Variants in CCDC81 observed in about 807,000 individuals in gnomAD.
CCDC81 encodes coiled-coil domain-containing protein 81.
A neutral mutation model predicts 83.7 loss-of-function variants in CCDC81; 79 were observed. The ratio of observed to expected loss-of-function variants is 0.94; its 90% CI spans 0.79 to 1.14. The LOEUF (loss-of-function observed/expected upper bound fraction) is 1.14. Ranked by LOEUF, CCDC81 falls within the 50% of genes most tolerant of loss-of-function variation. The pLI, the probability that CCDC81 is intolerant of heterozygous loss-of-function variation, is 0.00. For synonymous variants in CCDC81, 252 were observed against 278.1 expected, an observed-to-expected ratio of 0.91 and a Z score of 0.93; for missense variants, 791 against 778.1, an observed-to-expected ratio of 1.02 and a Z score of -0.20.
intron 1 of CCDC81, among the ~76,000 whole-genome samples, chr11:86,379,514 A>G (rs1948147495): frequency 6.6e-6 from 1 of 152,220 alleles, no homozygotes; most frequent in African/African-American, 2.4e-5. Context: ...TGATTGTTTT[A>G]TAATAACAAA....
chr11:86,405,199 A>G lies in CCDC81; in HGVS notation c.882-2415A>G, dbSNP rs146375079. The stretch of plus-strand genomic sequence containing the variant: ...TGCTTCTTAAGCAATATTAAATTCT[A>G]CATGTCTAGGATTTTTTTTGGTAGA... On this transcript the variant is annotated intron_variant, in intron 7 of 14. Coordinates refer to ENST00000445632, the MANE Select transcript of CCDC81 (RefSeq NM_001156474.2). Among the ~76,000 whole-genome samples, 230 of 152,328 alleles carry G rather than the reference A, an allele frequency of 1.5e-3. 2 individuals carry two copies. The highest frequency in any genetic ancestry group is 2.6e-3 in the Non-Finnish European group (174 of 68,010).
chr11:86,404,362 T>G (rs560425285), intron 7 of CCDC81, among the ~76,000 whole-genome samples: 1 of 152,326 alleles, frequency 6.6e-6, no homozygotes, highest in Non-Finnish European at 1.5e-5. Flanking sequence ...GCTATGCCCA[T>G]CCATTTGCAT....
intron 7 of CCDC81, among the ~76,000 whole-genome samples, chr11:86,402,008 G>A (rs116882067): frequency 0.027 from 4,029 of 151,804 alleles, 62 homozygotes; most frequent in Admixed American, 0.044. Flanking sequence ...GGTGGTGAGC[G>A]CCTGTAATCC....
intron 13 of CCDC81, among the ~76,000 whole-genome samples, chr11:86,417,723 A>G (rs949940164): frequency 1.3e-5 from 2 of 151,582 alleles, no homozygotes; most frequent in Non-Finnish European, 2.9e-5. Flanking sequence ...TGCTGTGTCC[A>G]ATGTACGGTA....
At chr11:86,395,706 G>C (rs927405575) in intron 5 of CCDC81, among the ~76,000 whole-genome samples, 2 of 152,064 alleles carry the variant, frequency 1.3e-5, no homozygotes, top group South Asian at 4.2e-4. Flanking sequence ...CTGCAACCTC[G>C]GTCTCCTGGG....
rs75313054 is a variant in CCDC81 at position 86,396,586 on chromosome 11, C to T, written c.636-1035C>T. Among the ~76,000 whole-genome samples, 17 of 152,174 alleles carry T rather than the reference C, an allele frequency of 1.1e-4. No individual in the cohort carries two copies. In the East Asian group the frequency reaches 3.3e-3, roughly 29 times the overall value. On this transcript the variant is annotated intron_variant, in intron 5 of 14. Transcript: ENST00000445632. ...CTCTTGTTTGTTGCTTTGGAACAAC[C>T]CCCTCCTGGAAGAGCTGTATGACAC...
At chr11:86,405,917 C>A (rs1275427136) in intron 7 of CCDC81, among the ~76,000 whole-genome samples, 1 of 152,058 alleles carries the variant, frequency 6.6e-6, no homozygotes, top group East Asian at 1.9e-4. Context: ...CGCACACCAT[C>A]ATGCCTGGCT....
chr11:86,393,223 C>G (rs942792078), intron 4 of CCDC81, among the ~76,000 whole-genome samples: 7 of 152,072 alleles, frequency 4.6e-5, no homozygotes, highest in African/African-American at 1.7e-4. Flanking sequence ...CCACCATGCC[C>G]AGCTAATTTT....
At chr11:86,420,368 A>C (rs1948773811) in intron 14 of CCDC81, among the ~76,000 whole-genome samples, 1 of 152,174 alleles carries the variant, frequency 6.6e-6, no homozygotes, top group South Asian at 2.1e-4. Context: ...AGGGGGAGTG[A>C]GTTTCCAATC....
chr11:86,410,958 T>A (rs949892754), intron 10 of CCDC81, among the ~76,000 whole-genome samples: 2 of 152,242 alleles, frequency 1.3e-5, no homozygotes, highest in Non-Finnish European at 2.9e-5. Context: ...CACATTGTTA[T>A]GCTCAACTTC....
chr11:86,409,279 A>C lies in CCDC81; in HGVS notation c.1132A>C (p.Arg378=). 1 of 1,493,948 alleles carries C rather than the reference A, an allele frequency of 6.7e-7. No homozygotes were observed. The highest frequency in any genetic ancestry group is 2.5e-5 in the East Asian group (1 of 39,674). The allele number at this position is 1,493,948 out of a possible 1,614,324, so 92.5% of individuals were successfully genotyped here. Residue 378 remains arginine, a synonymous_variant, in exon 10 of 15, where the codon AGA becomes CGA. Coordinates refer to ENST00000445632, the MANE Select transcript of CCDC81 (RefSeq NM_001156474.2). ...FRHQMKSLAT[R]EQNQKNAAYN... is the part of the protein sequence containing the mutation. The stretch of plus-strand genomic sequence containing the variant: ...ACAATAGATGAAAAGTCTGGCTACT[A>C]GAGAACAGAATCAGAAAAATGCTGC...
Position 86,415,308 on chromosome 11 carries a change from A to G in CCDC81, c.1686A>G (p.Gln562=). 1 of 1,612,950 alleles carries G rather than the reference A, an allele frequency of 6.2e-7. No homozygotes were observed. The highest frequency in any genetic ancestry group is 1.7e-5 in the Admixed American group (1 of 59,974). ...RRDLQMLQRT[Q]REHLADRTAE... is the part of the protein sequence containing the mutation. ...ATTTGCAAATGCTTCAGAGGACACA[A>G]AGAGAGTAAGGAGACCCCTGATCTT... is the stretch of plus-strand genomic sequence containing the variant. The change falls in exon 13 of 15, where the codon CAA becomes CAG. Residue 562 remains glutamine, a synonymous_variant. Coordinates refer to ENST00000445632, the MANE Select transcript of CCDC81 (RefSeq NM_001156474.2).
Position 86,412,543 on chromosome 11 carries a change from G to C in CCDC81, c.1375G>C (p.Val459Leu), listed in dbSNP as rs1242181399. Residue 459 changes from valine to leucine, a missense_variant, in exon 11 of 15, where the codon GTG becomes CTG. By Grantham distance (32) the Val-to-Leu change is conservative (BLOSUM62 1). Transcript: ENST00000445632. ...YRELMDRLEQVQLTEELAAQR... is the reference protein window; with the variant it reads ...YRELMDRLEQLQLTEELAAQR... ...AGAGTTGATGGACCGCCTGGAACAA[G>C]TGCAACTCACAGAGGAGTGAGTCCA... The C allele has an allele frequency of 6.2e-7, 1 of 1,608,936 alleles. No homozygotes were observed. Among genetic ancestry groups the C allele is most frequent in the Non-Finnish European group, 8.5e-7 (1 of 1,178,420 alleles).
intron 7 of CCDC81, among the ~76,000 whole-genome samples, chr11:86,406,948 AC>A (rs1415331663): frequency 2.3e-4 from 35 of 152,154 alleles, no homozygotes; most frequent in African/African-American, 8.4e-4. Context: ...ATCTCCCTCC[AC>A]CACACTGACC....
rs1259102516 is a variant in CCDC81, at chr11:86,388,679, C to A, written c.298+1007C>A. Among the ~76,000 whole-genome samples, 139 of 152,134 alleles carry A rather than the reference C, an allele frequency of 9.1e-4. 1 individual carries two copies. Among genetic ancestry groups the A allele is most frequent in the Non-Finnish European group, 1.8e-4 (12 of 68,020 alleles). On this transcript the variant is annotated intron_variant, in intron 3 of 14. Coordinates refer to ENST00000445632, the MANE Select transcript of CCDC81 (RefSeq NM_001156474.2). ...TATTCAGTATGGTGGGCTTGATGAA[C>A]TTTTCAGCTATTTTTACCTAGAATT... is the stretch of plus-strand genomic sequence containing the variant.
Position 86,415,445 on chromosome 11 carries a change from C to T in CCDC81, c.1691+132C>T, listed in dbSNP as rs76447330. The stretch of plus-strand genomic sequence containing the variant: ...GTGGAGAAATAAGAATAATAGCTAA[C>T]ACACTGAGGAGTTATTTGTGCAAGG... On this transcript the variant is annotated intron_variant, in intron 13 of 14. Coordinates refer to ENST00000445632, the MANE Select transcript of CCDC81 (RefSeq NM_001156474.2). 271 of 679,552 alleles carry T rather than the reference C, an allele frequency of 4.0e-4. No individual in the cohort carries two copies. In the African/African-American group the frequency reaches 4.1e-3, roughly 10 times the overall value. The allele number at this position is 679,552 out of a possible 1,614,324, so 42.1% of individuals were successfully genotyped here. A position where few individuals can be genotyped will look rare whatever the true frequency, so the allele number is the denominator to read the frequency against.
At chr11:86,391,439 C>A (rs1465653064) in intron 3 of CCDC81, among the ~76,000 whole-genome samples, 2 of 152,144 alleles carry the variant, frequency 1.3e-5, no homozygotes, top group East Asian at 1.9e-4. Context: ...TTGGCTTTGT[C>A]ATCTTGATCC....
intron 6 of CCDC81, among the ~76,000 whole-genome samples, chr11:86,399,413 T>C (rs570058569): frequency 1.3e-5 from 2 of 152,278 alleles, no homozygotes; most frequent in African/African-American, 4.8e-5. Flanking sequence ...CCTCTTGGGC[T>C]CAGGTGATCC....
chr11:86,400,222 A>G (rs1565764398), intron 6 of CCDC81, among the ~76,000 whole-genome samples: 1 of 152,112 alleles, frequency 6.6e-6, no homozygotes, highest in Non-Finnish European at 1.5e-5. Flanking sequence ...TATTAAATGT[A>G]TATTATAAAG....
Sources: gnomAD v4.1 joint callset for allele counts (sites outside exome capture counted in the v4.1 genomes callset) on GRCh38, gnomAD v4.1.1 for gene constraint, MANE v1.5 for transcripts, NCBI Gene and HGNC (gene_info 2026-07-23, HGNC 2026-07-21) for gene names.